IQUB: variants seen among roughly 807,000 people sequenced by gnomAD.
The protein encoded by IQUB is IQ motif and ubiquitin-like domain-containing protein.
In IQUB, 86 loss-of-function variants were observed where a neutral mutation model predicts 86.4. That is an observed-to-expected ratio of 1.00 (90% CI 0.84 to 1.19). IQUB has a LOEUF of 1.19. Ranked by LOEUF, IQUB falls within the 50% of genes most tolerant of loss-of-function variation. The pLI is 0.00. For synonymous variants in IQUB, 289 were observed against 304.5 expected, an observed-to-expected ratio of 0.95 and a Z score of 0.53; for missense variants, 946 against 916.9, an observed-to-expected ratio of 1.03 and a Z score of -0.41.
intron 1 of IQUB, among the ~76,000 whole-genome samples, chr7:123,527,637 G>A (rs530986699): frequency 6.6e-6 from 1 of 152,270 alleles, no homozygotes; most frequent in Admixed American, 6.5e-5. Context: ...GGGGGTCAGG[G>A]GCCAGGGACC....
intron 6 of IQUB, chr7:123,502,243 C>T (rs558897395): frequency 9.0e-5 from 18 of 200,608 alleles, no homozygotes; most frequent in African/African-American, 4.0e-4. Context: ...CAGAGAAAAT[C>T]GACTACTGTC....
At chr7:123,516,904 T>C (rs1171073736) in intron 1 of IQUB, among the ~76,000 whole-genome samples, 1 of 152,174 alleles carries the variant, frequency 6.6e-6, no homozygotes, top group Non-Finnish European at 1.5e-5. Context: ...ACCTACAAGC[T>C]AACAATTTAG....
At chr7:123,465,743 T>C (rs963579220) in intron 9 of IQUB, among the ~76,000 whole-genome samples, 1 of 152,054 alleles carries the variant, frequency 6.6e-6, no homozygotes, top group Admixed American at 6.6e-5. Flanking sequence ...ACATAGTTGG[T>C]AAGGCTAATA....
chr7:123,467,902 C>T (rs188494906), intron 9 of IQUB, among the ~76,000 whole-genome samples: 25 of 152,300 alleles, frequency 1.6e-4, no homozygotes, highest in Admixed American at 1.0e-3. Flanking sequence ...TAAGACATAG[C>T]GCAAGTCCTA....
Position 123,457,523 on chromosome 7 carries a change from T to G in IQUB, c.2051A>C (p.Gln684Pro), listed in dbSNP as rs758026141. 1 of 1,609,574 alleles carries G rather than the reference T, an allele frequency of 6.2e-7. No individual in the cohort carries two copies. Among genetic ancestry groups the G allele is most frequent in the Non-Finnish European group, 8.5e-7 (1 of 1,178,470 alleles). ...QYLTENIWAS[Q>P]SVLSACDNLS... ...ATTGTCGCAAGCACTGAGGACTGAC[T>G]GGGACGCCCAGATGTTCTCTGTCAG... Residue 684 changes from glutamine to proline, a missense_variant, in exon 12 of 13, where the codon CAG becomes CCG. Transcript: ENST00000324698.
At chr7:123,477,834 T>C (rs74501941) in intron 8 of IQUB, among the ~76,000 whole-genome samples, 10,949 of 152,120 alleles carry the variant, frequency 0.072, 511 homozygotes, top group Non-Finnish European at 0.11. Flanking sequence ...AACAGACACA[T>C]GAAAAAATGC....
chr7:123,457,626 T>C (rs961675067), intron 11 of IQUB, 60 bp from the exon 12 acceptor site: 12 of 1,211,402 alleles, frequency 9.9e-6, no homozygotes, highest in Middle Eastern at 3.9e-4. Flanking sequence ...GATTATTATA[T>C]TACTTGAGCA....
At chr7:123,484,900 A>G (rs1344028165) in intron 7 of IQUB, among the ~76,000 whole-genome samples, 2 of 152,108 alleles carry the variant, frequency 1.3e-5, no homozygotes, top group Non-Finnish European at 2.9e-5. Context: ...ATGTCAGTAA[A>G]AAGCACTATT....
chr7:123,529,724 TAAAAA>T (rs753026777), intron 1 of IQUB, among the ~76,000 whole-genome samples: 12 of 35,822 alleles, frequency 3.3e-4, no homozygotes, highest in South Asian at 1.4e-3. Flanking sequence ...TGTCTCTACT[TAAAAA>T]AAAAAAAAAA....
At chr7:123,528,493 G>C (rs941709980) in intron 1 of IQUB, among the ~76,000 whole-genome samples, 4 of 152,186 alleles carry the variant, frequency 2.6e-5, no homozygotes, top group African/African-American at 9.7e-5. Context: ...AGAGCTAGTA[G>C]GCAGTATATC....
chr7:123,456,811 C>G (rs1171406430), intron 12 of IQUB: 6 of 152,126 alleles, frequency 3.9e-5, no homozygotes, highest in African/African-American at 1.4e-4. Context: ...GTTTACAGTG[C>G]TTGCTCCACT....
intron 1 of IQUB, among the ~76,000 whole-genome samples, chr7:123,520,267 A>T (rs546364577): frequency 6.6e-6 from 1 of 152,202 alleles, no homozygotes; most frequent in African/African-American, 2.4e-5. Context: ...GGTAGTTTGC[A>T]GTTTTTACTG....
intron 12 of IQUB, among the ~76,000 whole-genome samples, chr7:123,454,940 T>C (rs1271333033): frequency 6.6e-6 from 1 of 152,134 alleles, no homozygotes; most frequent in African/African-American, 2.4e-5. Context: ...TCCCCTTCCA[T>C]CCATAATATA....
chr7:123,509,014 G>A (rs1796305836), intron 3 of IQUB, among the ~76,000 whole-genome samples: 1 of 152,054 alleles, frequency 6.6e-6, no homozygotes. Flanking sequence ...AGCAAATCAA[G>A]TTTTAACAAT....
chr7:123,487,641 T>A (rs1584592114), intron 7 of IQUB, among the ~76,000 whole-genome samples: 1 of 152,228 alleles, frequency 6.6e-6, no homozygotes, highest in East Asian at 1.9e-4. Context: ...TAATCTTTTT[T>A]AAAACACAAT....
chr7:123,483,059 C>T (rs760052311), intron 7 of IQUB, among the ~76,000 whole-genome samples: 9 of 152,060 alleles, frequency 5.9e-5, no homozygotes, highest in Non-Finnish European at 1.2e-4. Context: ...CCTAAAAATA[C>T]TTAGTGCCAC....
chr7:123,502,602 T>G lies in IQUB; in HGVS notation c.1018A>C (p.Lys340Gln). ...SAAEYHAQRL[K>Q]AVIVIQTYYR... Reference sequence around the variant, plus strand: ...CACAATAAAAGTTATCTCACCGCCTTTAGTCTTTGAGCATGGTATTCTGCT... The same window carrying G: ...CACAATAAAAGTTATCTCACCGCCTGTAGTCTTTGAGCATGGTATTCTGCT... Residue 340 changes from lysine to glutamine, a missense_variant, in exon 6 of 13, where the codon AAG (lysine) becomes CAG (glutamine). Transcript: ENST00000324698. 6.2e-7 allele frequency: 1 copy of G among 1,610,348 alleles called. No individual in the cohort carries two copies. Among genetic ancestry groups the G allele is most frequent in the East Asian group, 2.2e-5 (1 of 44,824 alleles).
At chr7:123,530,483 C>CA (rs986580532) in intron 1 of IQUB, among the ~76,000 whole-genome samples, 1 of 151,630 alleles carries the variant, frequency 6.6e-6, no homozygotes, top group Non-Finnish European at 1.5e-5. Flanking sequence ...ACAACAACAC[C>CA]AAAAAACCCT....
At chr7:123,510,190 A>C (rs556824749) in intron 2 of IQUB, among the ~76,000 whole-genome samples, 155 bp from the exon 3 acceptor site, 1 of 152,236 alleles carries the variant, frequency 6.6e-6, no homozygotes, top group Non-Finnish European at 1.5e-5. Flanking sequence ...CCCAATGATA[A>C]CAGTTACTTT....
Sources: allele counts gnomAD v4.1 joint callset (sites outside exome capture counted in the v4.1 genomes callset), GRCh38; gene constraint gnomAD v4.1.1; transcripts MANE v1.5; gene names NCBI Gene and HGNC (gene_info 2026-07-23, HGNC 2026-07-21).